The following TCF12 variants were observed in gnomAD, a reference collection of about 807,000 sequenced individuals.
TCF12 encodes transcription factor 12.
A neutral mutation model predicts 86.0 loss-of-function variants in TCF12; 45 were observed. The observed-to-expected ratio is 0.52, with a 90% CI of 0.41 to 0.67. TCF12 has a LOEUF of 0.67. Among genes scored for constraint, TCF12 ranks in the 30% least tolerant of loss-of-function variants. The pLI is 0.00. For synonymous variants in TCF12, 330 were observed against 299.6 expected (o/e 1.10, Z -1.05); for missense variants, 881 against 859.9 (o/e 1.02, Z -0.31).
chr15:57,287,050 A>G lies in TCF12; in HGVS notation c.*905A>G, dbSNP rs2061958103. 6.0e-6 allele frequency: 1 copy of G among 165,802 alleles called. No homozygotes were observed. Among genetic ancestry groups the G allele is most frequent in the Non-Finnish European group, 1.3e-5 (1 of 75,150 alleles). 10.3% of individuals were successfully genotyped at this position (165,802 alleles called of 1,614,324 possible). ...AAGACTTTTCAAGCTTCTAGATCTC[A>G]TAGGAAAGCTTGTAATAGCAAAATT... On this transcript the variant is annotated 3_prime_UTR_variant, in exon 21 of 21. Transcript: ENST00000333725.
chr15:57,191,331 G>T lies in TCF12; in HGVS notation c.391-827G>T, dbSNP rs1423446013. Reference sequence around the variant, plus strand: ...ACTTAAAAATTAGCTGGGTGTGGTGGCACATGCCTGTAGTCCTAGCTGTTT... The same window carrying T: ...ACTTAAAAATTAGCTGGGTGTGGTGTCACATGCCTGTAGTCCTAGCTGTTT... On this transcript the variant is annotated intron_variant, in intron 6 of 20. Coordinates refer to ENST00000333725, the MANE Select transcript of TCF12 (RefSeq NM_207037.2). Among the ~76,000 whole-genome samples, 5 of 152,138 alleles carry T rather than the reference G, an allele frequency of 3.3e-5. No individual in the cohort carries two copies. The East Asian group carries it at 9.6e-4, about 29-fold the overall frequency.
chr15:56,968,207 T>G (rs2062100012), intron 3 of TCF12, among the ~76,000 whole-genome samples: 1 of 152,198 alleles, frequency 6.6e-6, no homozygotes, highest in Non-Finnish European at 1.5e-5. Flanking sequence ...TCCACCTGCC[T>G]TGGCCTCCCA....
At chr15:57,072,639 C>T in intron 4 of TCF12, 1 of 1,291,254 alleles carries the variant, frequency 7.7e-7, no homozygotes, top group Non-Finnish European at 1.0e-6. Flanking sequence ...GTATTTTATG[C>T]CTCTTGATCT....
chr15:57,106,368 C>T (rs2050132375), intron 5 of TCF12, among the ~76,000 whole-genome samples: 2 of 152,144 alleles, frequency 1.3e-5, no homozygotes, highest in South Asian at 4.1e-4. Flanking sequence ...TGGGAATTTT[C>T]TGTACTAACT....
At chr15:57,100,905 C>T (rs2126402) in intron 5 of TCF12, among the ~76,000 whole-genome samples, 124,596 of 152,146 alleles carry the variant, frequency 0.82, 51,527 homozygotes, top group African/African-American at 0.94. Flanking sequence ...TTACTATTGT[C>T]TGAAGGTTTC....
intron 3 of TCF12, among the ~76,000 whole-genome samples, chr15:57,019,578 G>A (rs1355471959): frequency 6.6e-6 from 1 of 152,108 alleles, no homozygotes; most frequent in Non-Finnish European, 1.5e-5. Context: ...TAGGGGTACG[G>A]AAAAACGGTC....
intron 5 of TCF12, among the ~76,000 whole-genome samples, chr15:57,114,685 C>G (rs2050721813): frequency 6.6e-6 from 1 of 152,114 alleles, no homozygotes; most frequent in Non-Finnish European, 1.5e-5. Context: ...GTAAGCATTT[C>G]TTAGGGTACA....
chr15:57,093,202 A>G (rs538460689), intron 5 of TCF12, among the ~76,000 whole-genome samples: 1 of 152,338 alleles, frequency 6.6e-6, no homozygotes, highest in South Asian at 2.1e-4. Flanking sequence ...TAGGTTTACA[A>G]TAAATTATTT....
intron 18 of TCF12, among the ~76,000 whole-genome samples, chr15:57,266,901 C>T (rs1434098876): frequency 6.6e-6 from 1 of 152,116 alleles, no homozygotes; most frequent in Non-Finnish European, 1.5e-5. Flanking sequence ...TGGTGGCAAA[C>T]ACCCGTAGTC....
chr15:57,169,736 C>CT (rs2055173005), intron 6 of TCF12, among the ~76,000 whole-genome samples: 2 of 152,100 alleles, frequency 1.3e-5, no homozygotes, highest in Non-Finnish European at 2.9e-5. Flanking sequence ...ACAGCTAAGT[C>CT]TAATAAATCA....
chr15:56,954,969 C>A (rs2061440938), intron 3 of TCF12, among the ~76,000 whole-genome samples: 1 of 152,176 alleles, frequency 6.6e-6, no homozygotes, highest in Non-Finnish European at 1.5e-5. Flanking sequence ...TAAACTAGTT[C>A]AACCATTGTG....
chr15:57,282,398 T>G (rs2061731523), intron 19 of TCF12, 47 bp from the exon 20 acceptor site: 1 of 1,611,704 alleles, frequency 6.2e-7, no homozygotes, highest in Non-Finnish European at 8.5e-7. Context: ...GAGACCTAAT[T>G]CATAACTTAA....
chr15:57,041,820 G>A (rs903076790), intron 3 of TCF12, among the ~76,000 whole-genome samples: 2 of 152,144 alleles, frequency 1.3e-5, no homozygotes, highest in African/African-American at 4.8e-5. Context: ...TATGAAGAAT[G>A]CTGCCTTTCA....
chr15:56,991,990 C>T (rs1472691927), intron 3 of TCF12, among the ~76,000 whole-genome samples: 2 of 151,938 alleles, frequency 1.3e-5, no homozygotes, highest in Non-Finnish European at 2.9e-5. Flanking sequence ...CACAGTAGCT[C>T]ATGCCTGTAC....
intron 5 of TCF12, among the ~76,000 whole-genome samples, chr15:57,163,160 T>A (rs1781907930): frequency 6.6e-6 from 1 of 151,502 alleles, no homozygotes; most frequent in African/African-American, 2.4e-5. Flanking sequence ...GGTGACAGAG[T>A]GAGACTCAGT....
rs767918783 is a variant in TCF12, at chr15:57,253,450, C to T, written c.1449C>T (p.Ser483=). ...ATGGAGGATCAAGCCTTGTTGCAAG[C>T]AGTCGATCAGCTTCAATGGTAAAAT... ...SNYGGSSLVA[S]SRSASMVGTH... Residue 483 remains serine (S), a synonymous_variant, in exon 16 of 21, where the codon AGC becomes AGT. Coordinates refer to ENST00000333725, the MANE Select transcript of TCF12 (RefSeq NM_207037.2). 5 of 1,614,048 alleles carry T rather than the reference C, an allele frequency of 3.1e-6. No homozygotes were observed. Among genetic ancestry groups the T allele is most frequent in the Non-Finnish European group, 3.4e-6 (4 of 1,179,966 alleles).
At chr15:57,085,400 T>A (rs1439558114) in intron 4 of TCF12, among the ~76,000 whole-genome samples, 3 of 152,192 alleles carry the variant, frequency 2.0e-5, no homozygotes, top group Admixed American at 1.3e-4. Flanking sequence ...ATTCATTAAC[T>A]GGGGTAGTGT....
intron 4 of TCF12, 23 bp from the exon 5 acceptor site, chr15:57,091,766 C>G: frequency 6.3e-7 from 1 of 1,577,820 alleles, no homozygotes; most frequent in Non-Finnish European, 8.7e-7. Context: ...CTCTTTAATA[C>G]TCTGATCTTT....
chr15:57,106,512 A>C (rs1401242044), intron 5 of TCF12, among the ~76,000 whole-genome samples: 1 of 152,238 alleles, frequency 6.6e-6, no homozygotes, highest in Non-Finnish European at 1.5e-5. Context: ...CCTTCTGGGA[A>C]GAGAACTCCC....
Sources: gnomAD v4.1 joint callset for allele counts (sites outside exome capture counted in the v4.1 genomes callset) on GRCh38, gnomAD v4.1.1 for gene constraint, MANE v1.5 for transcripts, NCBI Gene and HGNC (gene_info 2026-07-23, HGNC 2026-07-21) for gene names.